The following USP33 variants were observed in gnomAD, a reference collection of about 807,000 sequenced individuals.
USP33 encodes ubiquitin carboxyl-terminal hydrolase 33.
A neutral mutation model predicts 124.2 loss-of-function variants in USP33; 46 were observed. The ratio of observed to expected loss-of-function variants is 0.37; its 90% CI spans 0.29 to 0.47. The LOEUF (loss-of-function observed/expected upper bound fraction) is 0.47. Among genes scored for constraint, USP33 ranks in the 20% least tolerant of loss-of-function variants. The probability of loss-of-function intolerance (pLI) is 0.99; values close to 1 mark genes in which losing one functional copy is unlikely to be tolerated. For synonymous variants in USP33, 350 were observed against 352.3 expected, an observed-to-expected ratio of 0.99 and a Z score of 0.07; for missense variants, 851 against 1,070.6, an observed-to-expected ratio of 0.79 and a Z score of 2.86.
intron 6 of USP33, 136 bp from the exon 7 acceptor site, chr1:77,734,552 G>A (rs956519471): frequency 1.2e-5 from 7 of 572,002 alleles, no homozygotes; most frequent in Middle Eastern, 4.7e-4. Flanking sequence ...ATTCAGAGAG[G>A]TCACACTTTG....
chr1:77,741,227 G>T (rs1436769943), intron 3 of USP33, 149 bp downstream of exon 3: 3 of 764,410 alleles, frequency 3.9e-6, no homozygotes, highest in Admixed American at 3.0e-5. Context: ...TCTTTCCAAA[G>T]TTTAATTTTT....
Position 77,736,123 on chromosome 1 carries a change from A to G in USP33, c.387T>C (p.Thr129=), listed in dbSNP as rs1411794887. 1.9e-6 allele frequency: 3 copies of G among 1,613,280 alleles called. No homozygotes were observed. The highest frequency in any genetic ancestry group is 2.5e-6 in the Non-Finnish European group (3 of 1,179,662). Residue 129 remains threonine (T), a synonymous_variant, in exon 6 of 24, where the codon ACT becomes ACC. Coordinates refer to ENST00000370794, the MANE Select transcript of USP33 (RefSeq NM_201624.3). ...FKIPSNTTLK[T]PLVAVFDDLD... ...GATCATCAAATACGGCAACCAGAGG[A>G]GTTTTTAATGTTGTATTACTGGGTA...
intron 5 of USP33, 91 bp from the exon 6 acceptor site, chr1:77,736,249 AATT>A (rs1678439124): frequency 1.4e-6 from 1 of 698,194 alleles, no homozygotes; most frequent in African/African-American, 1.8e-5. Flanking sequence ...ATACCATAAA[AATT>A]ATTGAGATGT....
chr1:77,711,197 A>T (rs1316020111), intron 21 of USP33, among the ~76,000 whole-genome samples: 2 of 142,318 alleles, frequency 1.4e-5, no homozygotes, highest in Non-Finnish European at 3.1e-5. Flanking sequence ...CCAATACATT[A>T]AAAAAAAAAA....
chr1:77,698,523 G>A (rs144045824), intron 22 of USP33, among the ~76,000 whole-genome samples: 287 of 141,362 alleles, frequency 2.0e-3, no homozygotes, highest in East Asian at 0.01. Flanking sequence ...TTTTTGAGAC[G>A]GAGTCTCGCT....
intron 1 of USP33, among the ~76,000 whole-genome samples, chr1:77,757,056 A>G (rs970030371): frequency 6.6e-6 from 1 of 152,220 alleles, no homozygotes; most frequent in Non-Finnish European, 1.5e-5. Context: ...TGTTTTCTCA[A>G]ATGTAAGTTG....
chr1:77,733,954 C>A (rs1678132179), intron 7 of USP33, among the ~76,000 whole-genome samples: 1 of 152,036 alleles, frequency 6.6e-6, no homozygotes, highest in African/African-American at 2.4e-5. Context: ...AGTAAAACCA[C>A]CTGACATATC....
chr1:77,703,006 C>T (rs181537250), intron 21 of USP33, among the ~76,000 whole-genome samples: 1 of 152,162 alleles, frequency 6.6e-6, no homozygotes, highest in East Asian at 1.9e-4. Flanking sequence ...TGGACAAAGA[C>T]AACCAAGTTC....
chr1:77,713,283 T>TAA lies in USP33; in HGVS notation c.2216-4_2216-3dup. 9 of 1,559,412 alleles carry TAA rather than the reference T, an allele frequency of 5.8e-6. No individual in the cohort carries two copies. The highest frequency in any genetic ancestry group is 2.4e-5 in the East Asian group (1 of 42,464). ...AACCAGCTTTTCTTGGAGGAACACCTAAAAAAATATATAAACATATCTGTT... is the reference window on the plus strand; with the variant it reads ...AACCAGCTTTTCTTGGAGGAACACCTAAAAAAAAATATATAAACATATCTGTT... On this transcript the variant is annotated splice_region_variant and splice_polypyrimidine_tract_variant and intron_variant, in intron 19 of 23. Transcript: ENST00000370794.
intron 14 of USP33, chr1:77,721,544 A>C: frequency 2.0e-6 from 1 of 491,162 alleles, no homozygotes; most frequent in Non-Finnish European, 3.6e-6. Context: ...CACACAAATA[A>C]GTCCATTATT....
intron 11 of USP33, 116 bp from the exon 12 acceptor site, chr1:77,723,559 T>A: frequency 1.5e-6 from 1 of 655,150 alleles, no homozygotes; most frequent in South Asian, 2.1e-5. Flanking sequence ...CCTTAAACTG[T>A]AAAAATTACT....
At chr1:77,706,540 G>C (rs1221706263) in intron 21 of USP33, among the ~76,000 whole-genome samples, 1 of 152,188 alleles carries the variant, frequency 6.6e-6, no homozygotes, top group Non-Finnish European at 1.5e-5. Flanking sequence ...CTTGGACTTA[G>C]TGAATGACTC....
chr1:77,698,317 C>T (rs932937311), intron 22 of USP33, among the ~76,000 whole-genome samples: 1 of 151,364 alleles, frequency 6.6e-6, no homozygotes, highest in African/African-American at 2.4e-5. Context: ...TCACGATCTA[C>T]CCACCTCAGC....
chr1:77,732,716 T>C (rs1330454727), intron 7 of USP33, among the ~76,000 whole-genome samples: 1 of 151,858 alleles, frequency 6.6e-6, no homozygotes, highest in Non-Finnish European at 1.5e-5. Context: ...AGCATTCTGC[T>C]AGGAATGCTC....
intron 14 of USP33, 83 bp from the exon 15 acceptor site, chr1:77,721,288 C>T (rs1300649181): frequency 1.4e-6 from 2 of 1,461,084 alleles, no homozygotes; most frequent in African/African-American, 1.4e-5. Context: ...GATTTTGCCC[C>T]ATGCTGACCT....
rs905440603 is a variant in USP33, at chr1:77,722,212, G to A, written c.1390-16C>T. 6.3e-7 allele frequency: 1 copy of A among 1,596,734 alleles called. No individual in the cohort carries two copies. The highest frequency in any genetic ancestry group is 1.4e-5 in the African/African-American group (1 of 74,038). On this transcript the variant is annotated splice_polypyrimidine_tract_variant and intron_variant, in intron 12 of 23. Coordinates refer to ENST00000370794, the MANE Select transcript of USP33 (RefSeq NM_201624.3). ...TTACAGACACCTAAAATTGTTTTGT[G>A]TTTTAAAAATGGGATGAACATAATG...
At chr1:77,707,791 C>T (rs571755121) in intron 21 of USP33, among the ~76,000 whole-genome samples, 88 of 152,122 alleles carry the variant, frequency 5.8e-4, no homozygotes, top group Non-Finnish European at 1.1e-3. Flanking sequence ...CCTTGCTCCA[C>T]GTACATATTT....
At position 77,728,729 on chromosome 1, in the gene USP33, A is replaced by G; in HGVS notation, c.718-17T>C. 1 of 1,604,058 alleles carries G rather than the reference A, an allele frequency of 6.2e-7. No individual in the cohort carries two copies. Among genetic ancestry groups the G allele is most frequent in the East Asian group, 2.2e-5 (1 of 44,812 alleles). On this transcript the variant is annotated splice_polypyrimidine_tract_variant and intron_variant, in intron 9 of 23. Transcript: ENST00000370794. ...TTGAGCATCCTAATATATCAGCAAC[A>G]TAATGTTAACCACTTCATTACATGT...
At chr1:77,741,476 C>T (rs781432973) in intron 2 of USP33, 47 bp from the exon 3 acceptor site, 2 of 1,575,424 alleles carry the variant, frequency 1.3e-6, no homozygotes, top group South Asian at 1.2e-5. Flanking sequence ...TTGACACAAA[C>T]ACATACAATT....
Sources: gnomAD v4.1 joint callset for allele counts (sites outside exome capture counted in the v4.1 genomes callset) on GRCh38, gnomAD v4.1.1 for gene constraint, MANE v1.5 for transcripts, NCBI Gene and HGNC (gene_info 2026-07-23, HGNC 2026-07-21) for gene names.